The following CYRIB variants were observed in gnomAD, a reference collection of about 807,000 sequenced individuals.
CYRIB encodes CYFIP-related Rac1 interactor B.
CYRIB carries 8 observed loss-of-function variants against 44.2 expected under a neutral mutation model. That is an observed-to-expected ratio of 0.18 (90% CI 0.11 to 0.33). The LOEUF (loss-of-function observed/expected upper bound fraction) is 0.33, where lower values mean the gene tolerates loss of function less well. Among genes scored for constraint, CYRIB ranks in the 10% least tolerant of loss-of-function variants. The probability of loss-of-function intolerance (pLI) is 1.00; values close to 1 mark genes in which losing one functional copy is unlikely to be tolerated. For synonymous variants in CYRIB, 131 were observed against 127.2 expected (o/e 1.03, Z -0.20); for missense variants, 185 against 382.8 (o/e 0.48, Z 4.31).
intron 3 of CYRIB, among the ~76,000 whole-genome samples, chr8:129,872,044 A>G (rs1332237292): frequency 6.6e-6 from 1 of 152,146 alleles, no homozygotes; most frequent in Non-Finnish European, 1.5e-5. Flanking sequence ...AATCACTTCG[A>G]AAGTGTCTCA....
At chr8:129,907,524 A>C (rs990085858) in intron 1 of CYRIB, among the ~76,000 whole-genome samples, 1 of 152,180 alleles carries the variant, frequency 6.6e-6, no homozygotes, top group African/African-American at 2.4e-5. Context: ...GCACACCAAC[A>C]TGGCACATGT....
chr8:129,932,963 G>C (rs980585369), intron 1 of CYRIB, among the ~76,000 whole-genome samples: 1 of 152,160 alleles, frequency 6.6e-6, no homozygotes, highest in Non-Finnish European at 1.5e-5. Context: ...CCCAAATGGT[G>C]GGTTGGTAGT....
intron 1 of CYRIB, chr8:129,912,254 T>G (rs2078424229): frequency 6.6e-6 from 1 of 152,052 alleles, no homozygotes; most frequent in Non-Finnish European, 1.5e-5. Flanking sequence ...AAAGATCAAA[T>G]AGTTGAATTT....
intron 2 of CYRIB, among the ~76,000 whole-genome samples, chr8:129,881,538 A>G (rs959709807): frequency 2.0e-5 from 3 of 152,230 alleles, no homozygotes; most frequent in Non-Finnish European, 4.4e-5. Flanking sequence ...TTCTAACTGT[A>G]AGCTTCCCAT....
At chr8:129,871,769 A>T (rs2057312699) in intron 3 of CYRIB, among the ~76,000 whole-genome samples, 1 of 152,158 alleles carries the variant, frequency 6.6e-6, no homozygotes, top group African/African-American at 2.4e-5. Context: ...TATTAAACCA[A>T]TCTGAGAATT....
At chr8:129,966,563 A>C (rs886479491) in intron 2 of CYRIB, among the ~76,000 whole-genome samples, 2 of 152,204 alleles carry the variant, frequency 1.3e-5, no homozygotes, top group African/African-American at 4.8e-5. Context: ...CAAAACCCAG[A>C]GATCAAAGTT....
chr8:129,976,325 A>C (rs1326509886), intron 1 of CYRIB, among the ~76,000 whole-genome samples: 1 of 152,238 alleles, frequency 6.6e-6, no homozygotes, highest in Admixed American at 6.5e-5. Flanking sequence ...GCTTATAGCA[A>C]ATATGCAATA....
intron 5 of CYRIB, among the ~76,000 whole-genome samples, chr8:129,860,001 T>C (rs147027124): frequency 6.6e-6 from 1 of 152,340 alleles, no homozygotes; most frequent in Non-Finnish European, 1.5e-5. Context: ...ATTGTAAGTA[T>C]GCAAACTGGC....
chr8:129,896,439 G>C (rs973245351), intron 2 of CYRIB, among the ~76,000 whole-genome samples: 1 of 152,144 alleles, frequency 6.6e-6, no homozygotes, highest in African/African-American at 2.4e-5. Flanking sequence ...ATTAAAGCTG[G>C]CCTGGACAGC....
intron 1 of CYRIB, among the ~76,000 whole-genome samples, chr8:129,990,821 A>G (rs72720329): frequency 0.12 from 17,996 of 152,008 alleles, 1,106 homozygotes; most frequent in South Asian, 0.25. Context: ...ACTGTGCCCA[A>G]CCAAGACATG....
chr8:130,015,862 T>C (rs1183304554), intron 1 of CYRIB, among the ~76,000 whole-genome samples: 1 of 152,144 alleles, frequency 6.6e-6, no homozygotes, highest in Non-Finnish European at 1.5e-5. Flanking sequence ...TTGAGGCCAG[T>C]GGAGATTTTG....
At chr8:129,975,611 G>A (rs1221028533) in intron 1 of CYRIB, among the ~76,000 whole-genome samples, 6 of 152,172 alleles carry the variant, frequency 3.9e-5, no homozygotes, top group Non-Finnish European at 8.8e-5. Context: ...GAAATTCTGG[G>A]TTTGAGACTT....
upstream of CYRIB, among the ~76,000 whole-genome samples, chr8:129,943,645 C>T (rs1203029592): frequency 9.0e-6 from 1 of 111,320 alleles, no homozygotes; most frequent in African/African-American, 3.5e-5. Flanking sequence ...GTGGCCCAGG[C>T]GGGAGTGCAG....
At chr8:129,891,426 A>C (rs991837581) in intron 2 of CYRIB, among the ~76,000 whole-genome samples, 1 of 152,192 alleles carries the variant, frequency 6.6e-6, no homozygotes, top group African/African-American at 2.4e-5. Flanking sequence ...ATCAAGTACT[A>C]GTTTAGCTAT....
chr8:129,978,789 G>C (rs1338171887), intron 1 of CYRIB, among the ~76,000 whole-genome samples: 3 of 152,160 alleles, frequency 2.0e-5, no homozygotes, highest in Non-Finnish European at 4.4e-5. Context: ...AGCTAAGTGC[G>C]TGTACACACA....
At chr8:130,011,443 C>A (rs1363819602) in intron 1 of CYRIB, among the ~76,000 whole-genome samples, 3 of 149,942 alleles carry the variant, frequency 2.0e-5, no homozygotes, top group African/African-American at 7.4e-5. Flanking sequence ...ATCGCTTGAA[C>A]CCGGGAGGCA....
intron 2 of CYRIB, among the ~76,000 whole-genome samples, chr8:129,888,051 C>T (rs2063502653): frequency 1.3e-5 from 2 of 152,026 alleles, no homozygotes; most frequent in Admixed American, 6.5e-5. Context: ...TTGGGAGGGG[C>T]CAGGAACAGA....
intron 1 of CYRIB, among the ~76,000 whole-genome samples, chr8:130,000,923 C>G (rs1470057219): frequency 6.6e-6 from 1 of 152,068 alleles, no homozygotes; most frequent in African/African-American, 2.4e-5. Flanking sequence ...AAATAATTGT[C>G]CACCCAAAGT....
chr8:129,925,563 C>T (rs2087094079), intron 1 of CYRIB, among the ~76,000 whole-genome samples: 1 of 152,148 alleles, frequency 6.6e-6, no homozygotes, highest in Non-Finnish European at 1.5e-5. Context: ...TGGGTTTTCC[C>T]TCATGTGGTC....
Sources: gnomAD v4.1 joint callset for allele counts (sites outside exome capture counted in the v4.1 genomes callset) on GRCh38, gnomAD v4.1.1 for gene constraint, MANE v1.5 for transcripts, NCBI Gene and HGNC (gene_info 2026-07-23, HGNC 2026-07-21) for gene names.